Variants in CADPS2 observed in about 807,000 individuals in gnomAD.
CADPS2 encodes the protein calcium-dependent secretion activator 2.
CADPS2 carries 93 observed loss-of-function variants against 172.5 expected under a neutral mutation model. The ratio of observed to expected loss-of-function variants is 0.54; its 90% CI spans 0.46 to 0.64. The LOEUF (loss-of-function observed/expected upper bound fraction) is 0.64, where lower values mean the gene tolerates loss of function less well. Among genes scored for constraint, CADPS2 ranks in the 30% least tolerant of loss-of-function variants. The pLI is 0.00. For missense variants in CADPS2, 1,420 were observed against 1,565.9 expected, an observed-to-expected ratio of 0.91 and a Z score of 1.57; for synonymous variants, 546 against 555.2, an observed-to-expected ratio of 0.98 and a Z score of 0.23.
At chr7:122,652,234 A>ACTCT (rs148185064) in intron 3 of CADPS2, among the ~76,000 whole-genome samples, 1 of 149,090 alleles carries the variant, frequency 6.7e-6, no homozygotes, top group African/African-American at 2.5e-5. Flanking sequence ...CCTAGTGAAA[A>ACTCT]CTCTCTCTCT....
chr7:122,464,922 A>G (rs1464684285), intron 14 of CADPS2, among the ~76,000 whole-genome samples: 1 of 152,224 alleles, frequency 6.6e-6, no homozygotes, highest in East Asian at 1.9e-4. Flanking sequence ...TTGATTTCTT[A>G]GTTTTGACAA....
intron 1 of CADPS2, among the ~76,000 whole-genome samples, chr7:122,754,264 T>C (rs1248011368): frequency 1.3e-5 from 2 of 152,234 alleles, no homozygotes; most frequent in African/African-American, 4.8e-5. Context: ...TTCTTAAATT[T>C]TAAATTTTAT....
At chr7:122,398,519 G>T (rs950720521) in intron 20 of CADPS2, among the ~76,000 whole-genome samples, 4 of 152,068 alleles carry the variant, frequency 2.6e-5, no homozygotes, top group African/African-American at 9.7e-5. Context: ...AAAATCAACA[G>T]ACTTTGCCAT....
intron 1 of CADPS2, among the ~76,000 whole-genome samples, chr7:122,828,955 T>G (rs1224899618): frequency 1.3e-5 from 2 of 152,182 alleles, no homozygotes; most frequent in Non-Finnish European, 2.9e-5. Context: ...TCTTACCACA[T>G]TTTAGACTTC....
At chr7:122,397,058 T>C (rs959842735) in intron 20 of CADPS2, among the ~76,000 whole-genome samples, 2 of 152,206 alleles carry the variant, frequency 1.3e-5, no homozygotes, top group African/African-American at 4.8e-5. Context: ...CAGCTATAAG[T>C]TCTATTTTTA....
chr7:122,654,418 G>A (rs375850370), intron 3 of CADPS2, among the ~76,000 whole-genome samples: 1 of 152,308 alleles, frequency 6.6e-6, no homozygotes, highest in African/African-American at 2.4e-5. Context: ...TGACTCTCTT[G>A]TTAGTGGCTA....
intron 15 of CADPS2, among the ~76,000 whole-genome samples, chr7:122,450,549 A>C (rs924924091): frequency 6.2e-5 from 2 of 32,028 alleles, no homozygotes; most frequent in African/African-American, 2.4e-4. Context: ...TTTTTTTTTG[A>C]GACAAGGTCT....
chr7:122,672,491 C>G (rs1564023569), intron 2 of CADPS2, among the ~76,000 whole-genome samples: 1 of 152,176 alleles, frequency 6.6e-6, no homozygotes, highest in Non-Finnish European at 1.5e-5. Flanking sequence ...CTCCTTTAAT[C>G]CTTACAGTCA....
At chr7:122,703,944 A>T (rs566693391) in intron 2 of CADPS2, among the ~76,000 whole-genome samples, 1 of 152,228 alleles carries the variant, frequency 6.6e-6, no homozygotes, top group South Asian at 2.1e-4. Flanking sequence ...GGCTTTAAAG[A>T]TGCCTTATTG....
At chr7:122,736,030 G>C (rs1460375453) in intron 2 of CADPS2, among the ~76,000 whole-genome samples, 2 of 152,136 alleles carry the variant, frequency 1.3e-5, no homozygotes, top group Admixed American at 6.6e-5. Context: ...TTAGATTTAT[G>C]TTATATACAT....
At chr7:122,840,192 T>C (rs550481117) in intron 1 of CADPS2, among the ~76,000 whole-genome samples, 2 of 151,810 alleles carry the variant, frequency 1.3e-5, no homozygotes, top group African/African-American at 2.4e-5. Flanking sequence ...GAAAACCAAA[T>C]ACCGCATGTT....
At chr7:122,480,804 T>A in intron 12 of CADPS2, 48 bp downstream of exon 12, 1 of 1,332,770 alleles carries the variant, frequency 7.5e-7, no homozygotes, top group Non-Finnish European at 1.0e-6. Flanking sequence ...ATAGTATCAT[T>A]AAAAATTTTT....
intron 1 of CADPS2, among the ~76,000 whole-genome samples, chr7:122,785,511 C>T (rs183430959): frequency 7.9e-5 from 12 of 152,148 alleles, no homozygotes; most frequent in Non-Finnish European, 1.6e-4. Flanking sequence ...GAATTTTGAA[C>T]TAGAGCCCTA....
chr7:122,642,475 T>G (rs2077770024), intron 3 of CADPS2, among the ~76,000 whole-genome samples: 1 of 151,610 alleles, frequency 6.6e-6, no homozygotes, highest in African/African-American at 2.4e-5. Flanking sequence ...AAGCCTGTGC[T>G]GGCAGCCAAC....
intron 9 of CADPS2, among the ~76,000 whole-genome samples, chr7:122,493,185 C>CTAT (rs138784113): frequency 0.025 from 3,834 of 152,132 alleles, 139 homozygotes; most frequent in African/African-American, 0.088. Flanking sequence ...ATATAAAGAA[C>CTAT]TATAAATCAA....
chr7:122,546,353 A>C (rs950620998), intron 8 of CADPS2, among the ~76,000 whole-genome samples: 2 of 152,168 alleles, frequency 1.3e-5, no homozygotes, highest in Non-Finnish European at 2.9e-5. Flanking sequence ...TATAGAGAGG[A>C]GTAGGAATAC....
intron 1 of CADPS2, among the ~76,000 whole-genome samples, chr7:122,821,621 C>T (rs1375537447): frequency 6.6e-6 from 1 of 152,130 alleles, no homozygotes; most frequent in African/African-American, 2.4e-5. Flanking sequence ...CATAATTCCC[C>T]AGTTTAGCCT....
intron 9 of CADPS2, among the ~76,000 whole-genome samples, chr7:122,502,583 C>T (rs1015548542): frequency 1.3e-5 from 2 of 151,812 alleles, no homozygotes; most frequent in Non-Finnish European, 2.9e-5. Context: ...TTTATTGTTC[C>T]ATTCATTATT....
chr7:122,421,850 A>G (rs113862551), intron 17 of CADPS2, among the ~76,000 whole-genome samples: 4,581 of 152,280 alleles, frequency 0.03, 139 homozygotes, highest in Non-Finnish European at 0.039. Flanking sequence ...TGCTGTGTAT[A>G]TCATATGGAG....
Sources: allele counts gnomAD v4.1 joint callset (sites outside exome capture counted in the v4.1 genomes callset), GRCh38; gene constraint gnomAD v4.1.1; transcripts MANE v1.5; gene names NCBI Gene and HGNC (gene_info 2026-07-23, HGNC 2026-07-21).